Variants in KMT2E observed in about 807,000 individuals in gnomAD.
The protein encoded by KMT2E is histone reader KMT2E.
A neutral mutation model predicts 184.6 loss-of-function variants in KMT2E; 30 were observed. That is an observed-to-expected ratio of 0.16 (90% CI 0.12 to 0.22). KMT2E has a LOEUF of 0.22. Among genes scored for constraint, KMT2E ranks in the 10% least tolerant of loss-of-function variants. The pLI, the probability that KMT2E is intolerant of heterozygous loss-of-function variation, is 1.00. For missense variants in KMT2E, 2,023 were observed against 2,237.4 expected (o/e 0.90, Z 1.93); for synonymous variants, 815 against 776.5 (o/e 1.05, Z -0.82).
intron 1 of KMT2E, among the ~76,000 whole-genome samples, chr7:105,021,811 T>C (rs1296806770): frequency 6.6e-6 from 1 of 152,182 alleles, no homozygotes; most frequent in Admixed American, 6.5e-5. Flanking sequence ...TATATCACAC[T>C]GATGATTCAA....
intron 1 of KMT2E, among the ~76,000 whole-genome samples, chr7:105,032,251 C>T (rs192829710): frequency 6.6e-5 from 10 of 151,516 alleles, no homozygotes; most frequent in Admixed American, 5.9e-4. Flanking sequence ...CGAGACCAGC[C>T]TGGCCAACAT....
intron 15 of KMT2E, among the ~76,000 whole-genome samples, chr7:105,093,127 C>G (rs1260621803): frequency 6.6e-6 from 1 of 152,100 alleles, no homozygotes; most frequent in Non-Finnish European, 1.5e-5. Context: ...TCTAGGAGGT[C>G]AAGGCTGCAC....
At position 105,074,592 on chromosome 7, in the gene KMT2E, T is replaced by C. The variant is rs374384925; in HGVS notation, c.557-51T>C. The C allele has an allele frequency of 4.7e-6, 6 of 1,273,756 alleles. No homozygotes were observed. In the African/African-American group the frequency reaches 7.7e-5, roughly 16 times the overall value. The allele number at this position is 1,273,756 out of a possible 1,614,324, so 78.9% of individuals were successfully genotyped here. A position where few individuals can be genotyped will look rare whatever the true frequency, so the allele number is the denominator to read the frequency against. On this transcript the variant is annotated intron_variant, in intron 7 of 26. Coordinates refer to ENST00000311117, the MANE Select transcript of KMT2E (RefSeq NM_182931.3). Reference sequence around the variant, plus strand: ...TCATATGGAATGCTGTTTTATTTCATTGTTTAAAATAGAAGTATTAAATGT... The same window carrying C: ...TCATATGGAATGCTGTTTTATTTCACTGTTTAAAATAGAAGTATTAAATGT...
intron 3 of KMT2E, among the ~76,000 whole-genome samples, chr7:105,055,333 C>T (rs1354422782): frequency 6.7e-6 from 1 of 149,862 alleles, no homozygotes; most frequent in African/African-American, 2.5e-5. Context: ...GGATTATAGG[C>T]GTGAGCTGTT....
At chr7:105,026,810 A>G (rs1396734668) in intron 1 of KMT2E, among the ~76,000 whole-genome samples, 2 of 152,188 alleles carry the variant, frequency 1.3e-5, no homozygotes, top group Non-Finnish European at 2.9e-5. Context: ...ATTGATCTAC[A>G]GTGATAGTGG....
At chr7:105,055,912 C>CTT (rs368973029) in intron 3 of KMT2E, among the ~76,000 whole-genome samples, 1 of 145,224 alleles carries the variant, frequency 6.9e-6, no homozygotes. Flanking sequence ...AGAAGGATCA[C>CTT]TTTTTTTTTT....
At position 105,064,164 on chromosome 7, in the gene KMT2E, GTTTTTTTTT is replaced by G. The variant is rs66946883; in HGVS notation, c.416+604_416+612del. 70 of 76,138 alleles carry G rather than the reference GTTTTTTTTT, an allele frequency of 9.2e-4. 1 individual carries two copies. The highest frequency in any genetic ancestry group is 2.2e-3 in the East Asian group (3 of 1,366). 4.7% of individuals were successfully genotyped at this position (76,138 alleles called of 1,614,324 possible). A position where few individuals can be genotyped will look rare whatever the true frequency, so the allele number is the denominator to read the frequency against. ...GGTTTTGTATCATTTTTTTTTCTTG[GTTTTTTTTT>G]TTTTTTTTTTTTTTTTTTTGACTGG... On this transcript the variant is annotated intron_variant, in intron 5 of 26. Transcript: ENST00000311117.
intron 11 of KMT2E, 53 bp downstream of exon 11, chr7:105,077,486 T>G (rs1181357288): frequency 1.4e-6 from 2 of 1,439,894 alleles, no homozygotes; most frequent in African/African-American, 2.8e-5. Flanking sequence ...TATTGAACTT[T>G]TGGCTGTTTT....
chr7:105,043,476 T>C (rs1432062870), intron 3 of KMT2E, among the ~76,000 whole-genome samples: 1 of 152,008 alleles, frequency 6.6e-6, no homozygotes, highest in Non-Finnish European at 1.5e-5. Flanking sequence ...GACCTCGTGA[T>C]CCACCCGCCT....
At chr7:105,062,921 A>T (rs1421695164) in intron 4 of KMT2E, among the ~76,000 whole-genome samples, 1 of 151,486 alleles carries the variant, frequency 6.6e-6, no homozygotes, top group East Asian at 1.9e-4. Context: ...AAACTATATT[A>T]TATGTTTTAT....
Position 105,107,626 on chromosome 7 carries a change from C to T in KMT2E, c.3169C>T (p.His1057Tyr). The T allele has an allele frequency of 6.2e-6, 10 of 1,614,182 alleles. No individual in the cohort carries two copies. Among genetic ancestry groups the T allele is most frequent in the Non-Finnish European group, 8.5e-6 (10 of 1,180,024 alleles). ...AEPNSQLDST[H>Y]SGRGTMYSSW... ...GCCCAACAGCCAACTGGACTCGACT[C>T]ACTCTGGACGGGGCACAATGTATTC... Residue 1057 changes from histidine (H) to tyrosine (Y), a missense_variant, in exon 22 of 27, where the codon CAC becomes TAC. Around this residue, in one of 8 missense-constraint regions of KMT2E, gnomAD observed 1,108 missense variants for 1,050.9 expected, o/e 1.05. Coordinates refer to ENST00000311117, the MANE Select transcript of KMT2E (RefSeq NM_182931.3).
At chr7:105,079,159 G>T (rs1280329066) in intron 12 of KMT2E, among the ~76,000 whole-genome samples, 196 bp downstream of exon 12, 1 of 149,756 alleles carries the variant, frequency 6.7e-6, no homozygotes, top group African/African-American at 2.5e-5. Flanking sequence ...TTTTGAGACG[G>T]AGTTTCACTC....
intron 3 of KMT2E, among the ~76,000 whole-genome samples, chr7:105,042,370 T>A (rs1387295691): frequency 2.1e-5 from 2 of 93,030 alleles, no homozygotes; most frequent in Non-Finnish European, 3.8e-5. Context: ...TTCTTATAAT[T>A]TTTTTCACTT....
chr7:105,073,287 C>T (rs1384622929), intron 6 of KMT2E, among the ~76,000 whole-genome samples: 1 of 151,238 alleles, frequency 6.6e-6, no homozygotes, highest in South Asian at 2.1e-4. Context: ...GTCTCAGCTA[C>T]TCAGGAGGCT....
intron 15 of KMT2E, among the ~76,000 whole-genome samples, chr7:105,092,513 A>G (rs948268875): frequency 2.0e-5 from 3 of 152,242 alleles, no homozygotes; most frequent in African/African-American, 7.2e-5. Context: ...TGAAAACTAT[A>G]AAGAACTGTT....
At chr7:105,111,091 C>T (rs1327459088) in intron 26 of KMT2E, 2 of 502,522 alleles carry the variant, frequency 4.0e-6, no homozygotes, top group African/African-American at 3.9e-5. Flanking sequence ...TCTAAGCACA[C>T]TTCAACAGCT....
intron 1 of KMT2E, among the ~76,000 whole-genome samples, chr7:105,035,635 C>G (rs1159790797): frequency 7.2e-5 from 11 of 151,902 alleles, no homozygotes; most frequent in Non-Finnish European, 1.3e-4. Flanking sequence ...GAGTTTTGCT[C>G]TTGTCGCCCA....
intron 4 of KMT2E, among the ~76,000 whole-genome samples, chr7:105,063,103 G>A (rs1796889057): frequency 2.2e-5 from 3 of 138,722 alleles, no homozygotes; most frequent in South Asian, 4.5e-4. Context: ...ATATGATTTG[G>A]TAGGGAGGGA....
chr7:105,060,947 A>G (rs998866974), intron 3 of KMT2E, among the ~76,000 whole-genome samples: 10 of 152,214 alleles, frequency 6.6e-5, no homozygotes, highest in Admixed American at 3.9e-4. Flanking sequence ...TGTTCACACA[A>G]CGGTGAAATC....
Sources: allele counts gnomAD v4.1 joint callset (sites outside exome capture counted in the v4.1 genomes callset), GRCh38; gene constraint gnomAD v4.1.1; regional missense constraint gnomAD v4.1.1; transcripts MANE v1.5; gene names NCBI Gene and HGNC (gene_info 2026-07-23, HGNC 2026-07-21).